The following VLDLR variants were observed in gnomAD, a reference collection of about 807,000 sequenced individuals.
VLDLR encodes very low-density lipoprotein receptor.
A neutral mutation model predicts 112.7 loss-of-function variants in VLDLR; 81 were observed. The observed-to-expected ratio is 0.72, with a 90% CI of 0.60 to 0.86. VLDLR has a LOEUF of 0.86. Among genes scored for constraint, VLDLR ranks in the 40% least tolerant of loss-of-function variants. The probability of loss-of-function intolerance (pLI) is 0.00; values close to 1 mark genes in which losing one functional copy is unlikely to be tolerated. For synonymous variants in VLDLR, 436 were observed against 384.8 expected, an observed-to-expected ratio of 1.13 and a Z score of -1.56; for missense variants, 1,237 against 1,099.4, an observed-to-expected ratio of 1.13 and a Z score of -1.77.
At position 2,621,920 on chromosome 9, in the gene VLDLR, C is replaced by A; in HGVS notation, c.-270C>A. ...CCCTTGCCTCCCCTCCTCTGCAGCG[C>A]CTGCATTATTTTCTGCCCGCAGGCT... On this transcript the variant is annotated 5_prime_UTR_variant, in exon 1 of 19. Transcript: ENST00000382100. 1 of 642,206 alleles carries A rather than the reference C, an allele frequency of 1.6e-6. No individual in the cohort carries two copies. Among genetic ancestry groups the A allele is most frequent in the East Asian group, 3.1e-5 (1 of 32,074 alleles). The allele number at this position is 642,206 out of a possible 1,614,324, so 39.8% of individuals were successfully genotyped here.
At position 2,656,313 on chromosome 9, in the gene VLDLR, G is replaced by A. The variant is rs1490749816; in HGVS notation, c.*2445G>A. 1 of 152,046 alleles carries A rather than the reference G, an allele frequency of 6.6e-6. No individual in the cohort carries two copies. Among genetic ancestry groups the A allele is most frequent in the Non-Finnish European group, 1.5e-5 (1 of 68,000 alleles). 9.4% of individuals were successfully genotyped at this position (152,046 alleles called of 1,614,324 possible). A position where few individuals can be genotyped will look rare whatever the true frequency, so the allele number is the denominator to read the frequency against. ...GAAATAAGAATAGATATATTGGTGG[G>A]CCAGGCATGGTGGCTCACGCCTATA... On this transcript the variant is annotated 3_prime_UTR_variant, in exon 19 of 19. Transcript: ENST00000382100.
At chr9:2,632,808 G>A (rs886420126) in intron 1 of VLDLR, among the ~76,000 whole-genome samples, 3 of 152,098 alleles carry the variant, frequency 2.0e-5, no homozygotes, top group Non-Finnish European at 4.4e-5. Flanking sequence ...CAGAACTAGG[G>A]AGCACTTTCT....
intron 7 of VLDLR, 27 bp downstream of exon 7, chr9:2,643,986 G>A: frequency 6.8e-6 from 11 of 1,613,938 alleles, no homozygotes; most frequent in Non-Finnish European, 8.5e-6. Flanking sequence ...TTCAAGTACA[G>A]ATCCTGGAAG....
chr9:2,624,182 T>A (rs578256976), intron 1 of VLDLR, among the ~76,000 whole-genome samples: 4 of 152,320 alleles, frequency 2.6e-5, no homozygotes, highest in East Asian at 3.9e-4. Flanking sequence ...TTGTCACATG[T>A]GAAATATTTG....
At position 2,641,343 on chromosome 9, in the gene VLDLR, C is replaced by T. The variant is rs73640151; in HGVS notation, c.326-34C>T. ...AGCAGCAGCTTTGCATTGATCAGTT[C>T]TGAGGCTCTTTTGAGACTGTATATC... On this transcript the variant is annotated intron_variant, in intron 3 of 18. Coordinates refer to ENST00000382100, the MANE Select transcript of VLDLR (RefSeq NM_003383.5). The T allele has an allele frequency of 1.2e-3, 1,856 of 1,613,656 alleles. 18 individuals are homozygous for T. The African/African-American group carries it at 0.02, about 18-fold the overall frequency.
intron 1 of VLDLR, among the ~76,000 whole-genome samples, chr9:2,624,502 G>A (rs538420031): frequency 4.7e-4 from 71 of 152,308 alleles, no homozygotes; most frequent in Middle Eastern, 6.8e-3. Flanking sequence ...AATTCCTGGG[G>A]GTTCTGGGAC....
At chr9:2,652,336 T>C (rs558004648) in intron 17 of VLDLR, among the ~76,000 whole-genome samples, 1 of 152,340 alleles carries the variant, frequency 6.6e-6, no homozygotes, top group African/African-American at 2.4e-5. Context: ...TTACAGGACT[T>C]GTTGAGGATA....
chr9:2,622,804 G>C (rs999691194), intron 1 of VLDLR, among the ~76,000 whole-genome samples: 2 of 152,132 alleles, frequency 1.3e-5, no homozygotes, highest in Non-Finnish European at 2.9e-5. Flanking sequence ...GCTGGCGCAC[G>C]TTCGGTGGGC....
chr9:2,634,872 T>C (rs1817531923), intron 1 of VLDLR, among the ~76,000 whole-genome samples: 1 of 152,190 alleles, frequency 6.6e-6, no homozygotes, highest in Non-Finnish European at 1.5e-5. Flanking sequence ...ACTGTGCTTG[T>C]AATAGAAACA....
At chr9:2,650,217 C>G (rs986464002) in intron 14 of VLDLR, among the ~76,000 whole-genome samples, 153 bp from the exon 15 acceptor site, 4 of 152,154 alleles carry the variant, frequency 2.6e-5, no homozygotes, top group Non-Finnish European at 5.9e-5. Flanking sequence ...TATACTTATT[C>G]TTCCTTGATA....
chr9:2,637,690 C>G (rs1362000685), intron 2 of VLDLR, among the ~76,000 whole-genome samples: 1 of 152,158 alleles, frequency 6.6e-6, no homozygotes, highest in Non-Finnish European at 1.5e-5. Flanking sequence ...GCCTATAATC[C>G]CAGCACTTTG....
rs1185504967 is a variant in VLDLR at position 2,621,939 on chromosome 9, G to A, written c.-251G>A. 2 of 648,860 alleles carry A rather than the reference G, an allele frequency of 3.1e-6. No homozygotes were observed. Among genetic ancestry groups the A allele is most frequent in the South Asian group, 3.1e-5 (2 of 63,662 alleles). The allele number at this position is 648,860 out of a possible 1,614,324, so 40.2% of individuals were successfully genotyped here. On this transcript the variant is annotated 5_prime_UTR_variant, in exon 1 of 19. Coordinates refer to ENST00000382100, the MANE Select transcript of VLDLR (RefSeq NM_003383.5). ...GCAGCGCCTGCATTATTTTCTGCCCGCAGGCTCGGCTTGCACTGCTGCTGC... is the reference window on the plus strand; with the variant it reads ...GCAGCGCCTGCATTATTTTCTGCCCACAGGCTCGGCTTGCACTGCTGCTGC...
rs759729343 is a variant in VLDLR, at chr9:2,643,774, A to G, written c.943+24A>G. ...TGGTAAGGGTTTCTTCTTGTTGGTT[A>G]AGCAATGGATTGCTCTGACCAGACC... On this transcript the variant is annotated intron_variant, in intron 6 of 18. Coordinates refer to ENST00000382100, the MANE Select transcript of VLDLR (RefSeq NM_003383.5). 4 of 1,614,044 alleles carry G rather than the reference A, an allele frequency of 2.5e-6. No homozygotes were observed. In the African/African-American group the frequency reaches 4.0e-5, roughly 16 times the overall value.
At position 2,654,407 on chromosome 9, in the gene VLDLR, G is replaced by A. The variant is rs1586663610; in HGVS notation, c.*539G>A. On this transcript the variant is annotated 3_prime_UTR_variant, in exon 19 of 19. Transcript: ENST00000382100. ...AATGATATCTTTGACCTCAATGGAG[G>A]TTTGCAAAGACTGAGTGTTCAAACT... is the stretch of plus-strand genomic sequence containing the variant. The A allele has an allele frequency of 6.3e-6, 1 of 158,850 alleles. No homozygotes were observed. The highest frequency in any genetic ancestry group is 1.4e-5 in the Non-Finnish European group (1 of 71,646). The allele number at this position is 158,850 out of a possible 1,614,324, so 9.8% of individuals were successfully genotyped here.
chr9:2,642,995 CAAT>C (rs1817890530), intron 4 of VLDLR, among the ~76,000 whole-genome samples, 162 bp from the exon 5 acceptor site: 1 of 152,118 alleles, frequency 6.6e-6, no homozygotes. Flanking sequence ...ATTTTTTGTA[CAAT>C]GAGACTGTAC....
Position 2,656,257 on chromosome 9 carries a change from T to C in VLDLR, c.*2389T>C, listed in dbSNP as rs1343719849. 1 of 152,074 alleles carries C rather than the reference T, an allele frequency of 6.6e-6. No individual in the cohort carries two copies. The highest frequency in any genetic ancestry group is 2.4e-5 in the African/African-American group (1 of 41,414). 9.4% of individuals were successfully genotyped at this position (152,074 alleles called of 1,614,324 possible). On this transcript the variant is annotated 3_prime_UTR_variant, in exon 19 of 19. Transcript: ENST00000382100. ...TGTACCTACGAGGTACAAACTCATT[T>C]GTAGAAACAAAGTAACTAGATATTC... is the stretch of plus-strand genomic sequence containing the variant.
chr9:2,652,163 A>AT (rs1465310517), intron 17 of VLDLR, among the ~76,000 whole-genome samples: 1 of 152,236 alleles, frequency 6.6e-6, no homozygotes, highest in Non-Finnish European at 1.5e-5. Context: ...GTAACTGGCA[A>AT]TGATAAGTGT....
rs1818645100 is a variant in VLDLR at position 2,657,331 on chromosome 9, T to C, written c.*3463T>C. On this transcript the variant is annotated 3_prime_UTR_variant, in exon 19 of 19. Transcript: ENST00000382100. ...GGCAAAAACTTGCAAAAAGCAGATA[T>C]ACTTTTGCTAATTTAAGTTGAAGTA... 1 of 152,230 alleles carries C rather than the reference T, an allele frequency of 6.6e-6. No homozygotes were observed. Among genetic ancestry groups the C allele is most frequent in the African/African-American group, 2.4e-5 (1 of 41,468 alleles). 9.4% of individuals were successfully genotyped at this position (152,230 alleles called of 1,614,324 possible). A position where few individuals can be genotyped will look rare whatever the true frequency, so the allele number is the denominator to read the frequency against.
chr9:2,645,973 T>C (rs1402227398), intron 10 of VLDLR, among the ~76,000 whole-genome samples: 1 of 152,162 alleles, frequency 6.6e-6, no homozygotes, highest in African/African-American at 2.4e-5. Flanking sequence ...ATTTTTTATA[T>C]TTTCTCCCTT....
Sources: allele counts gnomAD v4.1 joint callset (sites outside exome capture counted in the v4.1 genomes callset), GRCh38; gene constraint gnomAD v4.1.1; transcripts MANE v1.5; gene names NCBI Gene and HGNC (gene_info 2026-07-23, HGNC 2026-07-21).